The following RLN1 variants were observed in gnomAD, a reference collection of about 807,000 sequenced individuals.
RLN1 encodes the protein prorelaxin H1.
Under a neutral mutation model 7.2 loss-of-function variants are expected in RLN1, and 4 were observed. The ratio of observed to expected loss-of-function variants is 0.56; its 90% CI spans 0.28 to 1.28. RLN1 has a LOEUF of 1.28. Ranked by LOEUF, RLN1 falls within the 50% of genes most tolerant of loss-of-function variation. The probability of loss-of-function intolerance (pLI) is 0.11; values close to 1 mark genes in which losing one functional copy is unlikely to be tolerated. For synonymous variants in RLN1, 105 were observed against 86.0 expected (o/e 1.22, Z -1.22); for missense variants, 293 against 221.1 (o/e 1.32, Z -2.06).
chr9:5,336,172 T>C (rs942394023), intron 1 of RLN1, among the ~76,000 whole-genome samples: 2 of 152,094 alleles, frequency 1.3e-5, no homozygotes, highest in African/African-American at 4.8e-5. Context: ...TCCTCAATCA[T>C]CTATTTAACA....
In RLN1 at chr9:5,335,319, A is replaced by T. The variant is rs897410216; in HGVS notation, c.490T>A (p.Tyr164Asn). 1.9e-6 allele frequency: 3 copies of T among 1,611,618 alleles called. No homozygotes were observed. In the African/African-American group the frequency reaches 4.0e-5, roughly 22 times the overall value. The change falls in exon 2 of 2, where the codon TAC (tyrosine) becomes AAC (asparagine). Residue 164 changes from tyrosine (Y) to asparagine (N), a missense_variant. Physicochemically the swap from Tyr to Asn is moderately radical, Grantham distance 143 (BLOSUM62 -2). Transcript: ENST00000223862. ...DTHSQKKRRP[Y>N]VALFEKCCLI... is the part of the protein sequence containing the mutation. ...CAACATTTCTCAAACAGTGCCACGT[A>T]GGGTCGTCTCTTTTTTTGAGAATGA...
At chr9:5,337,626 TG>T (rs989216297) in intron 1 of RLN1, among the ~76,000 whole-genome samples, 7 of 152,022 alleles carry the variant, frequency 4.6e-5, no homozygotes, top group Admixed American at 4.6e-4. Context: ...AGTATAAGTC[TG>T]AAAACTCATA....
intron 1 of RLN1, among the ~76,000 whole-genome samples, chr9:5,337,344 A>C (rs561080793): frequency 2.6e-5 from 4 of 152,182 alleles, no homozygotes; most frequent in African/African-American, 9.6e-5. Context: ...ACTTTTATTA[A>C]AATTATATTT....
At chr9:5,339,964 G>A, upstream of RLN1, 1 of 591,950 alleles carries the variant, frequency 1.7e-6, no homozygotes, top group South Asian at 2.1e-5. Flanking sequence ...TTCTCCTTCA[G>A]CTCTTGTTCT....
chr9:5,335,155 T>C lies in RLN1; in HGVS notation c.*96A>G. The C allele has an allele frequency of 1.5e-6, 1 of 660,518 alleles. No homozygotes were observed. Among genetic ancestry groups the C allele is most frequent in the Non-Finnish European group, 2.5e-6 (1 of 403,310 alleles). 40.9% of individuals were successfully genotyped at this position (660,518 alleles called of 1,614,324 possible). ...TCTAAACATTAATAAAGATTTCTTA[T>C]ATTCTAATAATTAGTGGGACCTGAC... On this transcript the variant is annotated 3_prime_UTR_variant, in exon 2 of 2. Coordinates refer to ENST00000223862, the MANE Select transcript of RLN1 (RefSeq NM_006911.4).
intron 1 of RLN1, chr9:5,339,205 C>T: frequency 4.9e-6 from 1 of 205,718 alleles, no homozygotes. Context: ...CTCCGGGCGG[C>T]GTCACCTCCT....
chr9:5,339,676 G>A lies in RLN1; in HGVS notation c.71C>T (p.Ala24Val), dbSNP rs769404802. The change falls in exon 1 of 2, where the codon GCG (alanine) becomes GTG (valine). Residue 24 changes from alanine to valine, a missense_variant. Physicochemically the swap from Ala to Val is moderately conservative, Grantham distance 64 (BLOSUM62 0). Transcript: ENST00000223862. ...AATAACATCGTCCTTCCATTTGGCCGCGACTGCTCTGGAAAATTGGTTCAG... is the reference window on the plus strand; with the variant it reads ...AATAACATCGTCCTTCCATTTGGCCACGACTGCTCTGGAAAATTGGTTCAG... ...LLLNQFSRAV[A>V]AKWKDDVIKL... 2 of 1,613,232 alleles carry A rather than the reference G, an allele frequency of 1.2e-6. No individual in the cohort carries two copies. Among genetic ancestry groups the A allele is most frequent in the South Asian group, 1.1e-5 (1 of 91,076 alleles).
chr9:5,336,248 A>T (rs1266767582), intron 1 of RLN1, among the ~76,000 whole-genome samples: 1 of 152,076 alleles, frequency 6.6e-6, no homozygotes, highest in African/African-American at 2.4e-5. Flanking sequence ...GAAGTGGGTT[A>T]AAAGATCACT....
In RLN1 at chr9:5,339,874, A is replaced by G. The variant is rs192490615; in HGVS notation, c.-128T>C. ...GCTGCTTTCCCTACCCGGCTCAACC[A>G]GTCTTTAGTATGGGCTATCACTCAG... On this transcript the variant is annotated 5_prime_UTR_variant, in exon 1 of 2. Coordinates refer to ENST00000223862, the MANE Select transcript of RLN1 (RefSeq NM_006911.4). The G allele has an allele frequency of 1.2e-3, 1,105 of 906,216 alleles. 9 individuals are homozygous for G. Among genetic ancestry groups the G allele is most frequent in the African/African-American group, 6.4e-3 (372 of 57,878 alleles). 56.1% of individuals were successfully genotyped at this position (906,216 alleles called of 1,614,324 possible).
At position 5,335,137 on chromosome 9, in the gene RLN1, A is replaced by G; in HGVS notation, c.*114T>C. On this transcript the variant is annotated 3_prime_UTR_variant, in exon 2 of 2. Transcript: ENST00000223862. ...TACACACCAAATGAAAAATCTAAAC[A>G]TTAATAAAGATTTCTTATATTCTAA... 1.7e-6 allele frequency: 1 copy of G among 599,940 alleles called. No individual in the cohort carries two copies. Among genetic ancestry groups the G allele is most frequent in the Non-Finnish European group, 2.8e-6 (1 of 360,852 alleles). The allele number at this position is 599,940 out of a possible 1,614,324, so 37.2% of individuals were successfully genotyped here. A position where few individuals can be genotyped will look rare whatever the true frequency, so the allele number is the denominator to read the frequency against.
Position 5,335,323 on chromosome 9 carries a change from T to C in RLN1, c.486A>G (p.Arg162=), listed in dbSNP as rs1373410390. 2 of 1,611,988 alleles carry C rather than the reference T, an allele frequency of 1.2e-6. No individual in the cohort carries two copies. Among genetic ancestry groups the C allele is most frequent in the South Asian group, 1.1e-5 (1 of 90,474 alleles). The stretch of plus-strand genomic sequence containing the variant: ...ATTTCTCAAACAGTGCCACGTAGGG[T>C]CGTCTCTTTTTTTGAGAATGAGTAT... ...GLDTHSQKKR[R]PYVALFEKCC... The change falls in exon 2 of 2, where the codon CGA becomes CGG. Residue 162 remains arginine (R), a synonymous_variant. Coordinates refer to ENST00000223862, the MANE Select transcript of RLN1 (RefSeq NM_006911.4).
intron 1 of RLN1, chr9:5,339,188 T>G: frequency 5.0e-6 from 1 of 200,010 alleles, no homozygotes; most frequent in Non-Finnish European, 8.9e-6. Context: ...CCCGGCCTCC[T>G]GCGGGTCTCC....
intron 1 of RLN1, among the ~76,000 whole-genome samples, chr9:5,337,143 G>A (rs530781479): frequency 2.0e-5 from 3 of 152,064 alleles, no homozygotes; most frequent in African/African-American, 7.2e-5. Flanking sequence ...CCCTCATTAA[G>A]ACATCCTAAG....
At chr9:5,336,252 G>T (rs566109182) in intron 1 of RLN1, among the ~76,000 whole-genome samples, 2 of 152,036 alleles carry the variant, frequency 1.3e-5, no homozygotes, top group African/African-American at 4.8e-5. Context: ...TGGGTTAAAA[G>T]ATCACTAACC....
intron 1 of RLN1, among the ~76,000 whole-genome samples, chr9:5,337,760 T>C (rs7858028): frequency 0.26 from 40,067 of 151,912 alleles, 5,775 homozygotes; most frequent in East Asian, 0.4. Flanking sequence ...TTATACTGCA[T>C]AGCAATAAAG....
intron 1 of RLN1, among the ~76,000 whole-genome samples, chr9:5,336,599 C>T (rs1474215573): frequency 2.6e-5 from 4 of 152,046 alleles, no homozygotes; most frequent in African/African-American, 9.7e-5. Flanking sequence ...AAAAAACTTA[C>T]AGTGAGCTAA....
intron 1 of RLN1, 146 bp from the exon 2 acceptor site, chr9:5,335,743 C>T (rs1254890546): frequency 1.6e-5 from 10 of 618,500 alleles, no homozygotes; most frequent in Non-Finnish European, 2.5e-5. Context: ...ATCCTAATAT[C>T]TAAACACTTA....
chr9:5,335,731 G>C, intron 1 of RLN1, 134 bp from the exon 2 acceptor site: 1 of 625,906 alleles, frequency 1.6e-6, no homozygotes, highest in Non-Finnish European at 2.7e-6. Context: ...AAACACAAAA[G>C]CATCCTAATA....
intron 1 of RLN1, among the ~76,000 whole-genome samples, 187 bp from the exon 2 acceptor site, chr9:5,335,784 CA>C (rs1816877593): frequency 6.6e-6 from 1 of 151,960 alleles, no homozygotes. Flanking sequence ...CTTAAAGTAC[CA>C]TAATTTTACC....
Sources: gnomAD v4.1 joint callset for allele counts (sites outside exome capture counted in the v4.1 genomes callset) on GRCh38, gnomAD v4.1.1 for gene constraint, MANE v1.5 for transcripts, NCBI Gene and HGNC (gene_info 2026-07-23, HGNC 2026-07-21) for gene names.